The following CSMD1 variants were observed in gnomAD, a reference collection of about 807,000 sequenced individuals.
The protein encoded by CSMD1 is CUB and sushi domain-containing protein 1.
Under a neutral mutation model 417.5 loss-of-function variants are expected in CSMD1, and 213 were observed. The observed-to-expected ratio is 0.51, with a 90% CI of 0.46 to 0.57. The LOEUF is 0.57. Among genes scored for constraint, CSMD1 ranks in the 20% least tolerant of loss-of-function variants. The pLI, the probability that CSMD1 is intolerant of heterozygous loss-of-function variation, is 0.00. For synonymous variants in CSMD1, 2,862 were observed against 1,736.8 expected (o/e 1.65, Z -16.11); for missense variants, 6,923 against 4,529.7 (o/e 1.53, Z -15.17).
At chr8:3,452,639 A>T (rs1023481173) in intron 12 of CSMD1, among the ~76,000 whole-genome samples, 2 of 152,182 alleles carry the variant, frequency 1.3e-5, no homozygotes, top group Non-Finnish European at 2.9e-5. Flanking sequence ...GGGTATGTTG[A>T]ATCAGCCTTG....
At chr8:3,271,032 CT>C (rs1331442683) in intron 26 of CSMD1, among the ~76,000 whole-genome samples, 3 of 151,620 alleles carry the variant, frequency 2.0e-5, no homozygotes, top group African/African-American at 4.8e-5. Flanking sequence ...CACCCACTAA[CT>C]TGTCATCTAG....
At chr8:3,449,828 T>C (rs1299605724) in intron 12 of CSMD1, among the ~76,000 whole-genome samples, 3 of 152,208 alleles carry the variant, frequency 2.0e-5, no homozygotes, top group Non-Finnish European at 2.9e-5. Context: ...GAGAGCAACA[T>C]TTATATCCAT....
chr8:3,645,753 G>C (rs1369940940), intron 7 of CSMD1, among the ~76,000 whole-genome samples: 7 of 152,122 alleles, frequency 4.6e-5, no homozygotes, highest in African/African-American at 1.7e-4. Flanking sequence ...GCAAAAGTTA[G>C]GTTATTATAA....
intron 5 of CSMD1, among the ~76,000 whole-genome samples, chr8:3,941,223 C>G (rs1301068545): frequency 6.6e-6 from 1 of 152,030 alleles, no homozygotes; most frequent in Non-Finnish European, 1.5e-5. Context: ...TCAAAAGTTC[C>G]TAGCAAATGT....
intron 6 of CSMD1, among the ~76,000 whole-genome samples, chr8:3,744,165 G>T (rs6993154): frequency 2.0e-5 from 3 of 152,244 alleles, no homozygotes; most frequent in Admixed American, 1.3e-4. Context: ...GGATTGACAA[G>T]GGCATGGAAG....
At chr8:3,524,140 C>T (rs921942720) in intron 10 of CSMD1, among the ~76,000 whole-genome samples, 1 of 151,926 alleles carries the variant, frequency 6.6e-6, no homozygotes, top group Non-Finnish European at 1.5e-5. Flanking sequence ...TACACACACA[C>T]GCACATATGC....
chr8:4,220,203 C>T (rs1439290610), intron 3 of CSMD1, among the ~76,000 whole-genome samples: 3 of 152,222 alleles, frequency 2.0e-5, no homozygotes, highest in East Asian at 1.9e-4. Context: ...TGCTCGCCTT[C>T]GCCTCTCAGA....
At chr8:4,187,580 G>C (rs748253439) in intron 3 of CSMD1, among the ~76,000 whole-genome samples, 1 of 149,040 alleles carries the variant, frequency 6.7e-6, no homozygotes, top group Non-Finnish European at 1.5e-5. Context: ...GGAGGCTAAT[G>C]TAGGAGAATC....
chr8:3,539,567 G>A (rs543064584), intron 10 of CSMD1, among the ~76,000 whole-genome samples: 6 of 152,198 alleles, frequency 3.9e-5, no homozygotes, highest in Non-Finnish European at 7.4e-5. Flanking sequence ...TGATTCAGAA[G>A]TTGTAACACT....
chr8:3,872,394 T>C (rs1171435123), intron 5 of CSMD1, among the ~76,000 whole-genome samples: 1 of 152,174 alleles, frequency 6.6e-6, no homozygotes, highest in African/African-American at 2.4e-5. Context: ...GACTCTCAAC[T>C]GTTCATTACT....
intron 3 of CSMD1, among the ~76,000 whole-genome samples, chr8:4,086,478 C>G (rs944414791): frequency 5.9e-5 from 9 of 152,182 alleles, no homozygotes; most frequent in South Asian, 2.1e-4. Flanking sequence ...TTCGTTCTGA[C>G]TGTACATTCA....
At chr8:3,806,268 G>A (rs1433776196) in intron 5 of CSMD1, among the ~76,000 whole-genome samples, 1 of 152,122 alleles carries the variant, frequency 6.6e-6, no homozygotes, top group African/African-American at 2.4e-5. Context: ...AGGATGGAAG[G>A]CCTAGTTTTC....
intron 3 of CSMD1, among the ~76,000 whole-genome samples, chr8:4,312,394 C>CACACGTATATAT (rs1798665817): frequency 7.6e-5 from 3 of 39,502 alleles, no homozygotes; most frequent in Admixed American, 4.6e-4. Flanking sequence ...TATATATATA[C>CACACGTATATAT]ATACATATAT....
chr8:3,940,852 A>G (rs181703330), intron 5 of CSMD1, among the ~76,000 whole-genome samples: 234 of 149,430 alleles, frequency 1.6e-3, no homozygotes, highest in Middle Eastern at 0.01. Flanking sequence ...TTTATTAAAA[A>G]CTAATCATAC....
chr8:4,086,442 A>G (rs1330682530), intron 3 of CSMD1, among the ~76,000 whole-genome samples: 1 of 152,190 alleles, frequency 6.6e-6, no homozygotes, highest in Non-Finnish European at 1.5e-5. Context: ...TTAAAATACT[A>G]CTATTACTAC....
At chr8:3,888,404 A>C (rs1806710901) in intron 5 of CSMD1, among the ~76,000 whole-genome samples, 1 of 152,194 alleles carries the variant, frequency 6.6e-6, no homozygotes, top group East Asian at 1.9e-4. Flanking sequence ...TTCATTCTAT[A>C]CGGAAACCTT....
chr8:4,300,400 G>C (rs1302658320), intron 3 of CSMD1, among the ~76,000 whole-genome samples: 1 of 152,098 alleles, frequency 6.6e-6, no homozygotes, highest in African/African-American at 2.4e-5. Context: ...TCAACCTCAA[G>C]ACACTTTTGT....
intron 10 of CSMD1, among the ~76,000 whole-genome samples, chr8:3,496,239 T>C (rs79105582): frequency 0.025 from 3,863 of 152,268 alleles, 187 homozygotes; most frequent in East Asian, 0.13. Flanking sequence ...GCCGACTCTG[T>C]CCAAGAAAGC....
intron 3 of CSMD1, among the ~76,000 whole-genome samples, chr8:4,413,227 A>G (rs1796744726): frequency 6.6e-6 from 1 of 152,202 alleles, no homozygotes; most frequent in African/African-American, 2.4e-5. Flanking sequence ...TGCAACCATC[A>G]GGGTGCAACT....
Sources: gnomAD v4.1 joint callset for allele counts (sites outside exome capture counted in the v4.1 genomes callset) on GRCh38, gnomAD v4.1.1 for gene constraint, MANE v1.5 for transcripts, NCBI Gene and HGNC (gene_info 2026-07-23, HGNC 2026-07-21) for gene names.